Variants in FGGY observed in about 807,000 individuals in gnomAD.
FGGY encodes the protein FGGY carbohydrate kinase domain containing, also known as FGGY carbohydrate kinase domain-containing protein.
A neutral mutation model predicts 71.3 loss-of-function variants in FGGY; 72 were observed. The ratio of observed to expected loss-of-function variants is 1.01; its 90% CI spans 0.84 to 1.23. FGGY has a LOEUF of 1.23. FGGY is among the 50% of genes most tolerant of loss of function. The probability of loss-of-function intolerance (pLI) is 0.00; values close to 1 mark genes in which losing one functional copy is unlikely to be tolerated. For missense variants in FGGY, 668 were observed against 682.3 expected, an observed-to-expected ratio of 0.98 and a Z score of 0.23; for synonymous variants, 251 against 250.3, an observed-to-expected ratio of 1.00 and a Z score of -0.02.
At chr1:59,717,741 C>T (rs184499531) in intron 14 of FGGY, among the ~76,000 whole-genome samples, 22 of 152,144 alleles carry the variant, frequency 1.4e-4, no homozygotes, top group Non-Finnish European at 1.2e-4. Flanking sequence ...CGGCTACTGG[C>T]ACTATGTGAA....
intron 8 of FGGY, among the ~76,000 whole-genome samples, chr1:59,589,912 G>A (rs1249072611): frequency 1.3e-5 from 2 of 152,002 alleles, no homozygotes; most frequent in Non-Finnish European, 2.9e-5. Context: ...TCAAAAGCTA[G>A]CAGAAGGCAA....
At chr1:59,413,461 C>G (rs2063892273) in intron 5 of FGGY, among the ~76,000 whole-genome samples, 1 of 152,192 alleles carries the variant, frequency 6.6e-6, no homozygotes, top group Admixed American at 6.5e-5. Context: ...GTGACCTGAC[C>G]TTAAGGCGTT....
At chr1:59,745,514 T>C (rs759687181) in intron 14 of FGGY, among the ~76,000 whole-genome samples, 3 of 152,200 alleles carry the variant, frequency 2.0e-5, no homozygotes, top group Admixed American at 6.5e-5. Flanking sequence ...GGAATTACTA[T>C]TGAAGCAGGC....
At chr1:59,748,482 G>T (rs1315866089) in intron 14 of FGGY, among the ~76,000 whole-genome samples, 1 of 152,130 alleles carries the variant, frequency 6.6e-6, no homozygotes, top group Admixed American at 6.5e-5. Context: ...ATTCAGAAAG[G>T]CCTTAGGCAG....
chr1:59,698,737 G>A (rs768883396), intron 14 of FGGY: 12 of 985,116 alleles, frequency 1.2e-5, no homozygotes, highest in South Asian at 4.7e-5. Context: ...AGTTGAGTTC[G>A]TTTTCCATTT....
chr1:59,733,441 G>GTT (rs1438409574), intron 14 of FGGY: 1 of 121,710 alleles, frequency 8.2e-6, no homozygotes, highest in Non-Finnish European at 1.9e-5. Flanking sequence ...TTATGCTGTT[G>GTT]TTTTGTTTTG....
intron 6 of FGGY, among the ~76,000 whole-genome samples, chr1:59,490,551 T>C (rs530607585): frequency 6.6e-6 from 1 of 152,208 alleles, no homozygotes; most frequent in Admixed American, 6.5e-5. Context: ...ATTTTTTCTT[T>C]TGTTGCCTGT....
At chr1:59,318,161 A>G (rs544969368) in intron 1 of FGGY, among the ~76,000 whole-genome samples, 2 of 152,344 alleles carry the variant, frequency 1.3e-5, no homozygotes, top group South Asian at 2.1e-4. Flanking sequence ...TACTTTACCT[A>G]TCTAGGACTT....
chr1:59,675,940 A>G (rs550631522), intron 14 of FGGY, among the ~76,000 whole-genome samples: 6 of 152,222 alleles, frequency 3.9e-5, no homozygotes, highest in Middle Eastern at 3.4e-3. Flanking sequence ...TGATGGTCTG[A>G]TGGGCCCTTA....
At chr1:59,303,580 A>C (rs765291790) in intron 1 of FGGY, among the ~76,000 whole-genome samples, 8 of 152,276 alleles carry the variant, frequency 5.3e-5, no homozygotes, top group South Asian at 2.1e-4. Flanking sequence ...CAGCTATTAC[A>C]CCAAGTAGTG....
chr1:59,699,481 C>T lies in FGGY; in HGVS notation c.1512+25348C>T, dbSNP rs112716376. The T allele has an allele frequency of 3.9e-4, 326 of 830,390 alleles. 2 individuals are homozygous for T. The African/African-American group carries it at 5.6e-3, about 14-fold the overall frequency. 51.4% of individuals were successfully genotyped at this position (830,390 alleles called of 1,614,324 possible). On this transcript the variant is annotated intron_variant, in intron 14 of 15. Coordinates refer to ENST00000303721, the MANE Select transcript of FGGY (RefSeq NM_018291.5). ...TGGGCTGCTAAAATCTCAAAAACAACCCCTCTGCTCTTTTGCCATGGATAG... is the reference window on the plus strand; with the variant it reads ...TGGGCTGCTAAAATCTCAAAAACAATCCCTCTGCTCTTTTGCCATGGATAG...
intron 8 of FGGY, among the ~76,000 whole-genome samples, chr1:59,567,199 G>A (rs1487066052): frequency 6.6e-6 from 1 of 152,076 alleles, no homozygotes; most frequent in Non-Finnish European, 1.5e-5. Flanking sequence ...CAGGCCTTAG[G>A]TTCTTTCCTT....
intron 6 of FGGY, among the ~76,000 whole-genome samples, chr1:59,488,505 A>G (rs1006869424): frequency 8.2e-5 from 12 of 147,116 alleles, no homozygotes; most frequent in Non-Finnish European, 1.2e-4. Context: ...GTGTATATAT[A>G]TGTATTATGT....
chr1:59,651,665 C>T (rs374345196), intron 11 of FGGY, among the ~76,000 whole-genome samples: 8,780 of 147,274 alleles, frequency 0.06, 772 homozygotes, highest in African/African-American at 0.2. Flanking sequence ...TGAGATGGGT[C>T]TCCTGAATAC....
intron 14 of FGGY, among the ~76,000 whole-genome samples, chr1:59,724,485 A>G (rs544731769): frequency 4.6e-4 from 68 of 147,712 alleles, no homozygotes; most frequent in African/African-American, 1.4e-3. Flanking sequence ...CTCCATCTCA[A>G]AAAAAAAAAA....
intron 5 of FGGY, among the ~76,000 whole-genome samples, chr1:59,406,728 C>CA (rs2062816075): frequency 6.6e-6 from 1 of 152,080 alleles, no homozygotes; most frequent in South Asian, 2.1e-4. Flanking sequence ...TGGAGACTAC[C>CA]AAAAATAATA....
At chr1:59,298,929 C>G (rs1233645818) in intron 1 of FGGY, among the ~76,000 whole-genome samples, 1 of 152,210 alleles carries the variant, frequency 6.6e-6, no homozygotes, top group Non-Finnish European at 1.5e-5. Context: ...GGGCCCAGAA[C>G]TGTGGTAGTC....
At chr1:59,570,201 G>T (rs529725417) in intron 8 of FGGY, among the ~76,000 whole-genome samples, 1 of 152,264 alleles carries the variant, frequency 6.6e-6, no homozygotes, top group African/African-American at 2.4e-5. Context: ...TTTAACATGT[G>T]CCCAGGTGAT....
At chr1:59,632,301 A>G (rs1323470494) in intron 10 of FGGY, among the ~76,000 whole-genome samples, 2 of 152,232 alleles carry the variant, frequency 1.3e-5, no homozygotes, top group African/African-American at 4.8e-5. Context: ...AAGGAGATAT[A>G]GAGCATTGGT....
Sources: allele counts gnomAD v4.1 joint callset (sites outside exome capture counted in the v4.1 genomes callset), GRCh38; gene constraint gnomAD v4.1.1; transcripts MANE v1.5; gene names NCBI Gene and HGNC (gene_info 2026-07-23, HGNC 2026-07-21).